Variants in DDX46 observed in about 807,000 individuals in gnomAD.
DDX46 encodes probable ATP-dependent RNA helicase DDX46.
In DDX46, 30 loss-of-function variants were observed where a neutral mutation model predicts 134.9. The observed-to-expected ratio is 0.22, with a 90% CI of 0.17 to 0.30. The LOEUF (loss-of-function observed/expected upper bound fraction) is 0.30. DDX46 is among the 10% of genes least tolerant of loss of function. DDX46 has a pLI of 1.00. For synonymous variants in DDX46, 415 were observed against 404.1 expected, an observed-to-expected ratio of 1.03 and a Z score of -0.32; for missense variants, 622 against 1,248.7, an observed-to-expected ratio of 0.50 and a Z score of 7.56.
At chr5:134,779,687 C>T (rs1190845681) in intron 6 of DDX46, among the ~76,000 whole-genome samples, 1 of 151,020 alleles carries the variant, frequency 6.6e-6, no homozygotes, top group Non-Finnish European at 1.5e-5. Flanking sequence ...GATGGAATCT[C>T]ACGTGTTACC....
At chr5:134,811,414 A>T in intron 17 of DDX46, 56 bp downstream of exon 17, 2 of 1,561,040 alleles carry the variant, frequency 1.3e-6, no homozygotes, top group Non-Finnish European at 1.7e-6. Flanking sequence ...CTAAACCTTG[A>T]TTATTTAATT....
chr5:134,771,337 C>A (rs1031351088), intron 4 of DDX46, among the ~76,000 whole-genome samples: 1 of 148,738 alleles, frequency 6.7e-6, no homozygotes, highest in African/African-American at 2.5e-5. Flanking sequence ...TTGTGATCCC[C>A]CTGCCTCGGA....
chr5:134,758,866 G>T lies in DDX46; in HGVS notation c.-73G>T, dbSNP rs886659854. ...TGGTCTTTGCCGGGCGTTGAGGGCA[G>T]CTCAGCCTCCTTGTTTGTCCGGTTC... is the stretch of plus-strand genomic sequence containing the variant. On this transcript the variant is annotated 5_prime_UTR_variant, in exon 1 of 23. Transcript: ENST00000452510. 2 of 1,612,144 alleles carry T rather than the reference G, an allele frequency of 1.2e-6. No individual in the cohort carries two copies. The highest frequency in any genetic ancestry group is 2.7e-5 in the African/African-American group (2 of 74,880).
At chr5:134,767,931 CAA>C (rs1753628899) in intron 3 of DDX46, among the ~76,000 whole-genome samples, 1 of 145,298 alleles carries the variant, frequency 6.9e-6, no homozygotes, top group Non-Finnish European at 1.5e-5. Context: ...GCCTGGGCAA[CAA>C]GAGTGAAACT....
In DDX46 at chr5:134,766,888, A is replaced by G. The variant is rs761166570; in HGVS notation, c.207-29A>G. 6 of 1,598,034 alleles carry G rather than the reference A, an allele frequency of 3.8e-6. No individual in the cohort carries two copies. In the East Asian group the frequency reaches 1.3e-4, roughly 36 times the overall value. ...TGAAATAGTAGCTCCATTTGGTCAT[A>G]GAATAAATGAAAAGTGTCCCCCTTT... On this transcript the variant is annotated intron_variant, in intron 2 of 22. Coordinates refer to ENST00000452510, the MANE Select transcript of DDX46 (RefSeq NM_001300860.2).
At chr5:134,793,648 G>A (rs575357335) in intron 13 of DDX46, among the ~76,000 whole-genome samples, 1 of 152,164 alleles carries the variant, frequency 6.6e-6, no homozygotes, top group South Asian at 2.1e-4. Flanking sequence ...CAAGTGATCC[G>A]CCTGCCTTGA....
intron 15 of DDX46, among the ~76,000 whole-genome samples, chr5:134,796,463 A>G (rs1754655291): frequency 6.6e-6 from 1 of 152,196 alleles, no homozygotes; most frequent in Non-Finnish European, 1.5e-5. Flanking sequence ...ATTCACTTTA[A>G]AGAGCTTTTA....
intron 4 of DDX46, among the ~76,000 whole-genome samples, chr5:134,772,661 G>A (rs1165225157): frequency 6.6e-6 from 1 of 152,090 alleles, no homozygotes; most frequent in Non-Finnish European, 1.5e-5. Flanking sequence ...ATGCCACCAC[G>A]CCCAGCTAAT....
At chr5:134,823,200 C>T (rs573270360) in intron 21 of DDX46, among the ~76,000 whole-genome samples, 3 of 127,952 alleles carry the variant, frequency 2.3e-5, no homozygotes, top group South Asian at 2.6e-4. Context: ...CTCGCTCTGT[C>T]GCCAGGCTGG....
Position 134,795,022 on chromosome 5 carries a change from C to T in DDX46, c.1791+8C>T, listed in dbSNP as rs778831784. On this transcript the variant is annotated splice_region_variant and intron_variant, in intron 14 of 22. Coordinates refer to ENST00000452510, the MANE Select transcript of DDX46 (RefSeq NM_001300860.2). ...GATGTGGAGCAACAAGTGGTGGGTA[C>T]CATCTTTAGGAAATTCCCAGTTTCC... 5 of 1,612,442 alleles carry T rather than the reference C, an allele frequency of 3.1e-6. No homozygotes were observed. Among genetic ancestry groups the T allele is most frequent in the Non-Finnish European group, 4.2e-6 (5 of 1,179,268 alleles).
chr5:134,762,995 CT>C (rs984662342), intron 1 of DDX46, among the ~76,000 whole-genome samples: 2 of 151,504 alleles, frequency 1.3e-5, no homozygotes, highest in African/African-American at 4.9e-5. Flanking sequence ...GGAGGTGGAG[CT>C]TGCAGTGAGC....
At chr5:134,759,820 A>G (rs1238557546) in intron 1 of DDX46, among the ~76,000 whole-genome samples, 3 of 152,222 alleles carry the variant, frequency 2.0e-5, no homozygotes, top group African/African-American at 7.2e-5. Flanking sequence ...CATCACCTGG[A>G]TGAAGATAAA....
Position 134,758,815 on chromosome 5 carries a change from C to A in DDX46, c.-124C>A. ...GGCCGCGCTGGGATGGCCGCCACAG[C>A]TGTAGGTGCTGCTAGTGTTTAGCGC... On this transcript the variant is annotated 5_prime_UTR_variant, in exon 1 of 23. The change creates a new upstream start codon in the 5' untranslated region. Transcript: ENST00000452510. The A allele has an allele frequency of 6.8e-7, 1 of 1,469,272 alleles. No individual in the cohort carries two copies. The highest frequency in any genetic ancestry group is 9.5e-7 in the Non-Finnish European group (1 of 1,057,018). 91.0% of individuals were successfully genotyped at this position (1,469,272 alleles called of 1,614,324 possible).
At chr5:134,802,801 A>C (rs2150152447) in intron 15 of DDX46, among the ~76,000 whole-genome samples, 1 of 152,046 alleles carries the variant, frequency 6.6e-6, no homozygotes, top group Non-Finnish European at 1.5e-5. Flanking sequence ...TATGTCTAGT[A>C]ATTTCTGTTT....
intron 10 of DDX46, 117 bp downstream of exon 10, chr5:134,784,658 C>CT (rs1580791001): frequency 1.7e-6 from 2 of 1,210,400 alleles, no homozygotes; most frequent in East Asian, 5.8e-5. Context: ...TGTACATTTT[C>CT]TTTATCAATT....
intron 13 of DDX46, among the ~76,000 whole-genome samples, chr5:134,794,614 C>A (rs918043258): frequency 2.6e-5 from 4 of 152,068 alleles, no homozygotes; most frequent in African/African-American, 9.7e-5. Context: ...TGAAGATAGA[C>A]CACTATATTT....
chr5:134,821,405 G>A (rs1397906377), intron 21 of DDX46, among the ~76,000 whole-genome samples: 2 of 151,826 alleles, frequency 1.3e-5, no homozygotes, highest in East Asian at 1.9e-4. Context: ...TCAAACTCCT[G>A]ACCTCAGGTG....
At chr5:134,777,900 A>T in intron 6 of DDX46, 175 bp downstream of exon 6, 1 of 646,770 alleles carries the variant, frequency 1.5e-6, no homozygotes, top group Non-Finnish European at 2.4e-6. Context: ...TTTTAGCTAT[A>T]AGTGTTCTTT....
intron 15 of DDX46, among the ~76,000 whole-genome samples, chr5:134,803,632 A>G (rs971910873): frequency 1.3e-5 from 2 of 152,142 alleles, no homozygotes; most frequent in African/African-American, 2.4e-5. Context: ...CTTTCTTCCA[A>G]GTGTCAACTT....
Sources: allele counts gnomAD v4.1 joint callset (sites outside exome capture counted in the v4.1 genomes callset), GRCh38; gene constraint gnomAD v4.1.1; transcripts MANE v1.5; gene names NCBI Gene and HGNC (gene_info 2026-07-23, HGNC 2026-07-21).